NPAS2: variants seen among roughly 807,000 people sequenced by gnomAD.
The protein encoded by NPAS2 is neuronal PAS domain protein 2, also known as neuronal PAS domain-containing protein 2.
Under a neutral mutation model 107.5 loss-of-function variants are expected in NPAS2, and 23 were observed. The observed-to-expected ratio is 0.21, with a 90% CI of 0.15 to 0.30. NPAS2 has a LOEUF of 0.30. Ranked by LOEUF, NPAS2 falls within the 10% of genes least tolerant of loss-of-function variation. The pLI is 1.00. For missense variants in NPAS2, 756 were observed against 1,043.3 expected (o/e 0.72, Z 3.79); for synonymous variants, 403 against 417.5 (o/e 0.97, Z 0.42).
At chr2:100,903,765 C>T (rs1681950469) in intron 1 of NPAS2, among the ~76,000 whole-genome samples, 1 of 152,084 alleles carries the variant, frequency 6.6e-6, no homozygotes, top group African/African-American at 2.4e-5. Context: ...CTGGCATTGG[C>T]CTCATGAGTG....
intron 1 of NPAS2, among the ~76,000 whole-genome samples, chr2:100,850,396 G>A (rs1326122088): frequency 6.6e-6 from 1 of 152,124 alleles, no homozygotes; most frequent in Non-Finnish European, 1.5e-5. Context: ...CTGGCAGAAG[G>A]CATTCATTCA....
intron 7 of NPAS2, among the ~76,000 whole-genome samples, chr2:100,954,502 T>TA (rs779060415): frequency 8.6e-5 from 13 of 151,994 alleles, no homozygotes; most frequent in Non-Finnish European, 1.6e-4. Flanking sequence ...GTGTCTCTAC[T>TA]AATAATACAA....
At chr2:100,917,939 T>A (rs1052796344) in intron 2 of NPAS2, among the ~76,000 whole-genome samples, 1 of 152,128 alleles carries the variant, frequency 6.6e-6, no homozygotes, top group Non-Finnish European at 1.5e-5. Context: ...TACTTTGGAG[T>A]TTATTTTATG....
At chr2:100,825,595 C>G (rs1676325294) in intron 1 of NPAS2, among the ~76,000 whole-genome samples, 1 of 152,170 alleles carries the variant, frequency 6.6e-6, no homozygotes, top group African/African-American at 2.4e-5. Flanking sequence ...CAACCCACAC[C>G]TGCCTCTGGA....
intron 1 of NPAS2, among the ~76,000 whole-genome samples, chr2:100,822,202 G>A (rs1444062790): frequency 6.6e-6 from 1 of 152,174 alleles, no homozygotes; most frequent in Non-Finnish European, 1.5e-5. Context: ...GAGGAAATAT[G>A]TTATTAATAA....
intron 11 of NPAS2, among the ~76,000 whole-genome samples, chr2:100,970,037 A>G (rs1158740360): frequency 2.0e-5 from 3 of 152,298 alleles, no homozygotes; most frequent in Non-Finnish European, 2.9e-5. Flanking sequence ...GGGGAGAAAC[A>G]CTAGTTTTCA....
intron 15 of NPAS2, among the ~76,000 whole-genome samples, 184 bp from the exon 16 acceptor site, chr2:100,982,047 G>C (rs1677474780): frequency 6.6e-6 from 1 of 152,216 alleles, no homozygotes; most frequent in Non-Finnish European, 1.5e-5. Flanking sequence ...GGGCCCCCAG[G>C]ATGCCCAGAC....
intron 2 of NPAS2, among the ~76,000 whole-genome samples, chr2:100,923,749 C>T (rs1382543804): frequency 6.6e-6 from 1 of 152,214 alleles, no homozygotes; most frequent in Non-Finnish European, 1.5e-5. Context: ...CTTCAGTGAA[C>T]TGGGGAGGAG....
In NPAS2 at chr2:100,990,616, G is replaced by A. The variant is rs530744970; in HGVS notation, c.2019-164G>A. On this transcript the variant is annotated intron_variant, in intron 18 of 20. Transcript: ENST00000335681. ...AGGGCTTGGGATCCTGAGGTCCAGG[G>A]GAGGTTACCCGCTGCGTCCATCATC... Among the ~76,000 whole-genome samples the A allele has an allele frequency of 3.3e-5, 5 of 152,310 alleles. No homozygotes were observed. In the East Asian group the frequency reaches 7.7e-4, roughly 23 times the overall value.
chr2:100,970,091 C>T (rs1030337998), intron 11 of NPAS2, among the ~76,000 whole-genome samples: 3 of 152,180 alleles, frequency 2.0e-5, no homozygotes, highest in African/African-American at 4.8e-5. Context: ...TTCATGCCTT[C>T]GCTCAGGGAC....
At chr2:100,970,947 G>A (rs368553797) in intron 11 of NPAS2, 43 bp from the exon 12 acceptor site, 2 of 1,574,572 alleles carry the variant, frequency 1.3e-6, no homozygotes, top group Admixed American at 1.7e-5. Flanking sequence ...ATCCCTTCCT[G>A]GAATGCCCCA....
rs1376677213 is a variant in NPAS2, at chr2:100,982,286, C to T, written c.1538C>T (p.Thr513Met). 9.9e-6 allele frequency: 16 copies of T among 1,614,194 alleles called. No individual in the cohort carries two copies. Among genetic ancestry groups the T allele is most frequent in the Admixed American group, 1.7e-5 (1 of 60,028 alleles). ...QTIKDQLEQR[T>M]RILQANIRWQ... Reference sequence around the variant, plus strand: ...ATCAAAGACCAGCTAGAGCAGCGGACGCGGATCCTGCAGGCCAATATCCGG... The same window carrying T: ...ATCAAAGACCAGCTAGAGCAGCGGATGCGGATCCTGCAGGCCAATATCCGG... Residue 513 changes from threonine to methionine, a missense_variant, in exon 16 of 21, where the codon ACG (threonine) becomes ATG (methionine). Around this residue, in one of 4 missense-constraint regions of NPAS2, gnomAD observed 496 missense variants for 594.4 expected, o/e 0.83. Coordinates refer to ENST00000335681, the MANE Select transcript of NPAS2 (RefSeq NM_002518.4).
intron 7 of NPAS2, among the ~76,000 whole-genome samples, chr2:100,952,848 TGA>T (rs139723896): frequency 0.04 from 5,785 of 146,400 alleles, 382 homozygotes; most frequent in African/African-American, 0.14. Flanking sequence ...AAATTATGTG[TGA>T]GGTTTTTTTT....
At chr2:100,916,853 T>C (rs901345311) in intron 2 of NPAS2, among the ~76,000 whole-genome samples, 1 of 151,890 alleles carries the variant, frequency 6.6e-6, no homozygotes, top group African/African-American at 2.4e-5. Flanking sequence ...AATGAAAAAA[T>C]TAGAAACAGA....
At chr2:100,860,419 C>T (rs758222435) in intron 1 of NPAS2, among the ~76,000 whole-genome samples, 3 of 152,198 alleles carry the variant, frequency 2.0e-5, no homozygotes, top group Non-Finnish European at 2.9e-5. Context: ...CTCCGCTGAA[C>T]TATTTTTCCT....
intron 1 of NPAS2, among the ~76,000 whole-genome samples, chr2:100,888,381 G>C (rs546978198): frequency 2.4e-4 from 37 of 152,218 alleles, no homozygotes; most frequent in African/African-American, 8.4e-4. Flanking sequence ...ATGAGCCGTG[G>C]GGGCGGAGGA....
chr2:100,990,810 G>C lies in NPAS2; in HGVS notation c.2049G>C (p.Met683Ile). The change falls in exon 19 of 21, where the codon ATG (methionine) becomes ATC (isoleucine). Residue 683 changes from methionine to isoleucine, a missense_variant. Physicochemically the swap from Met to Ile is conservative, Grantham distance 10. Coordinates refer to ENST00000335681, the MANE Select transcript of NPAS2 (RefSeq NM_002518.4). ...RLLLSQPIQP[M>I]MPGSCDARQP... ...TGCTGAGCCAGCCCATCCAGCCCAT[G>C]ATGCCCGGGTCCTGTGACGCAAGGC... is the stretch of plus-strand genomic sequence containing the variant. The C allele has an allele frequency of 1.9e-6, 3 of 1,614,216 alleles. No homozygotes were observed. The highest frequency in any genetic ancestry group is 2.5e-6 in the Non-Finnish European group (3 of 1,180,034).
At chr2:100,903,705 C>A (rs929138857) in intron 1 of NPAS2, among the ~76,000 whole-genome samples, 1 of 152,164 alleles carries the variant, frequency 6.6e-6, no homozygotes, top group Non-Finnish European at 1.5e-5. Context: ...TTACCTCGAT[C>A]ACACTTTGCC....
intron 7 of NPAS2, among the ~76,000 whole-genome samples, chr2:100,954,106 G>A (rs962350939): frequency 6.6e-6 from 1 of 152,184 alleles, no homozygotes; most frequent in Admixed American, 6.5e-5. Flanking sequence ...AGAGTAGTAT[G>A]AATAAGTGTA....
Sources: allele counts gnomAD v4.1 joint callset (sites outside exome capture counted in the v4.1 genomes callset), GRCh38; gene constraint gnomAD v4.1.1; regional missense constraint gnomAD v4.1.1; transcripts MANE v1.5; gene names NCBI Gene and HGNC (gene_info 2026-07-23, HGNC 2026-07-21).